Variants in PATJ observed in about 807,000 individuals in gnomAD.
PATJ encodes inaD-like protein.
A neutral mutation model predicts 224.9 loss-of-function variants in PATJ; 190 were observed. That is an observed-to-expected ratio of 0.84 (90% confidence interval 0.75 to 0.95). The LOEUF (loss-of-function observed/expected upper bound fraction) is 0.95, where lower values mean the gene tolerates loss of function less well. Among genes scored for constraint, PATJ ranks in the 40% least tolerant of loss-of-function variants. The pLI is 0.00. For missense variants in PATJ, 2,121 were observed against 2,270.3 expected, an observed-to-expected ratio of 0.93 and a Z score of 1.34; for synonymous variants, 769 against 820.3, an observed-to-expected ratio of 0.94 and a Z score of 1.07.
rs1264448983 is a variant in PATJ, at chr1:62,162,638, A to G, written c.*1584A>G. The G allele has an allele frequency of 6.5e-6, 1 of 153,380 alleles. No homozygotes were observed. The highest frequency in any genetic ancestry group is 1.5e-5 in the Non-Finnish European group (1 of 68,780). 9.5% of individuals were successfully genotyped at this position (153,380 alleles called of 1,614,324 possible). ...GGAGAGATGCTTACTGGTGGATGCT[A>G]TAGAGTCCTCTGTTTTTAAAAGTAC... On this transcript the variant is annotated 3_prime_UTR_variant, in exon 44 of 44. Coordinates refer to ENST00000642238, the MANE Select transcript of PATJ (RefSeq NM_001350145.3).
chr1:61,968,119 G>A (rs547714760), intron 27 of PATJ, among the ~76,000 whole-genome samples: 1 of 152,318 alleles, frequency 6.6e-6, no homozygotes, highest in East Asian at 1.9e-4. Context: ...GACTCTGTGG[G>A]AAGGGTGTGA....
At chr1:62,097,201 C>T (rs1302016715) in intron 33 of PATJ, among the ~76,000 whole-genome samples, 1 of 152,152 alleles carries the variant, frequency 6.6e-6, no homozygotes, top group East Asian at 1.9e-4. Context: ...AGCCAGTACT[C>T]TTCCCAGCAT....
chr1:62,135,515 CAAAAAAAAAAA>C (rs4019805), intron 41 of PATJ, among the ~76,000 whole-genome samples: 1 of 83,784 alleles, frequency 1.2e-5, no homozygotes, highest in Non-Finnish European at 2.2e-5. Context: ...GACTCCGTCT[CAAAAAAAAAAA>C]AAAAAAAAAA....
At chr1:61,782,318 C>T (rs972677191) in intron 7 of PATJ, among the ~76,000 whole-genome samples, 16 of 152,104 alleles carry the variant, frequency 1.1e-4, no homozygotes, top group African/African-American at 3.9e-4. Context: ...ACATGCTTAG[C>T]ACAATGCCTC....
chr1:61,777,152 T>C (rs574431978), intron 7 of PATJ, among the ~76,000 whole-genome samples: 9 of 152,366 alleles, frequency 5.9e-5, no homozygotes, highest in Middle Eastern at 3.4e-3. Flanking sequence ...GAACCTGTTA[T>C]TTCAAGGAAA....
chr1:61,747,587 A>C (rs1009489186), intron 1 of PATJ, among the ~76,000 whole-genome samples: 5 of 152,148 alleles, frequency 3.3e-5, no homozygotes, highest in African/African-American at 1.2e-4. Context: ...AATTCCGGTA[A>C]AATTATGGAG....
intron 22 of PATJ, among the ~76,000 whole-genome samples, chr1:61,897,594 G>T (rs559340109): frequency 9.6e-4 from 146 of 152,296 alleles, no homozygotes; most frequent in Non-Finnish European, 1.7e-3. Flanking sequence ...GAAGGGGAGG[G>T]CATAGAGCAA....
rs117841080 is a variant in PATJ, at chr1:61,863,686, C to G, written c.2440-552C>G. Among the ~76,000 whole-genome samples, 35 of 152,186 alleles carry G rather than the reference C, an allele frequency of 2.3e-4. 1 individual carries two copies. The East Asian group carries it at 6.6e-3, about 29-fold the overall frequency. ...CATTCCTTCATATTTATTTTCAACA[C>G]AGATGAAAAATAAGATTTGTTATTT... On this transcript the variant is annotated intron_variant, in intron 19 of 43. Coordinates refer to ENST00000642238, the MANE Select transcript of PATJ (RefSeq NM_001350145.3).
At chr1:62,103,779 C>A (rs1319533206) in intron 33 of PATJ, among the ~76,000 whole-genome samples, 1 of 151,108 alleles carries the variant, frequency 6.6e-6, no homozygotes, top group Non-Finnish European at 1.5e-5. Flanking sequence ...AAAAAGCAAT[C>A]TATCGCTTCC....
chr1:61,851,238 A>G (rs1196434563), intron 17 of PATJ, among the ~76,000 whole-genome samples: 2 of 152,242 alleles, frequency 1.3e-5, no homozygotes, highest in African/African-American at 2.4e-5. Flanking sequence ...AAGGTCAAAT[A>G]GTAAAGGAAA....
chr1:62,151,523 A>T (rs1280911279), intron 42 of PATJ, among the ~76,000 whole-genome samples: 1 of 152,198 alleles, frequency 6.6e-6, no homozygotes, highest in Admixed American at 6.5e-5. Flanking sequence ...CCCAGGAGGC[A>T]GAGCTTGCAG....
chr1:61,747,005 A>C (rs1252649485), intron 1 of PATJ, among the ~76,000 whole-genome samples: 2 of 152,182 alleles, frequency 1.3e-5, no homozygotes, highest in Admixed American at 6.6e-5. Flanking sequence ...TTATCCTTAC[A>C]CTGAGGAGCC....
At chr1:62,056,710 G>A (rs558602714) in intron 31 of PATJ, among the ~76,000 whole-genome samples, 1 of 152,256 alleles carries the variant, frequency 6.6e-6, no homozygotes, top group East Asian at 1.9e-4. Context: ...GAACCCCAGG[G>A]GCGGAGGTTG....
chr1:61,864,213 AT>A (rs35853578), intron 19 of PATJ, 24 bp from the exon 20 acceptor site: 599,884 of 1,575,190 alleles, frequency 0.38, 119,521 homozygotes, highest in South Asian at 0.55. Context: ...GTAACTTCAC[AT>A]TTTTTTGCAT....
intron 7 of PATJ, among the ~76,000 whole-genome samples, chr1:61,777,726 T>TTAGCATAG (rs1647010692): frequency 7.4e-6 from 1 of 135,620 alleles, no homozygotes; most frequent in Non-Finnish European, 1.6e-5. Flanking sequence ...TTTTTTTTTT[T>TTAGCATAG]TAGCATAGTC....
chr1:61,857,741 C>T lies in PATJ; in HGVS notation c.2322+1502C>T, dbSNP rs564129594. Among the ~76,000 whole-genome samples, 3 of 152,324 alleles carry T rather than the reference C, an allele frequency of 2.0e-5. No individual in the cohort carries two copies. In the South Asian group the frequency reaches 6.2e-4, roughly 32 times the overall value. On this transcript the variant is annotated intron_variant, in intron 18 of 43. Coordinates refer to ENST00000642238, the MANE Select transcript of PATJ (RefSeq NM_001350145.3). Reference sequence around the variant, plus strand: ...TCTCATTTAGTAATTCTGATATGCTCTTCAGGAATCTACCTCTTCAATGGG... The same window carrying T: ...TCTCATTTAGTAATTCTGATATGCTTTTCAGGAATCTACCTCTTCAATGGG...
chr1:61,974,055 A>G (rs1643976733), intron 27 of PATJ, among the ~76,000 whole-genome samples: 1 of 151,504 alleles, frequency 6.6e-6, no homozygotes, highest in Non-Finnish European at 1.5e-5. Context: ...CTTTGTAGAT[A>G]TGACATGGAT....
chr1:61,848,999 T>A (rs1351238553), intron 17 of PATJ, among the ~76,000 whole-genome samples: 2 of 152,216 alleles, frequency 1.3e-5, no homozygotes, highest in Non-Finnish European at 2.9e-5. Flanking sequence ...GTGTAGTCCC[T>A]TTAAAATTAT....
intron 33 of PATJ, chr1:62,100,446 C>CT (rs1428723570): frequency 8.4e-6 from 6 of 715,488 alleles, no homozygotes; most frequent in Non-Finnish European, 1.6e-5. Flanking sequence ...GGGCTGAACT[C>CT]TTTTTATTAG....
Sources: gnomAD v4.1 joint callset for allele counts (sites outside exome capture counted in the v4.1 genomes callset) on GRCh38, gnomAD v4.1.1 for gene constraint, MANE v1.5 for transcripts, NCBI Gene and HGNC (gene_info 2026-07-23, HGNC 2026-07-21) for gene names.